Variants in DDAH1 observed in about 807,000 individuals in gnomAD.
DDAH1 encodes the protein N(G),N(G)-dimethylarginine dimethylaminohydrolase 1.
In DDAH1, 19 loss-of-function variants were observed where a neutral mutation model predicts 28.8. That is an observed-to-expected ratio of 0.66 (90% CI 0.46 to 0.97). The LOEUF is 0.97. Ranked by LOEUF, DDAH1 falls within the 50% of genes least tolerant of loss-of-function variation. The pLI is 0.00. For missense variants in DDAH1, 326 were observed against 375.9 expected, an observed-to-expected ratio of 0.87 and a Z score of 1.10; for synonymous variants, 153 against 154.4, an observed-to-expected ratio of 0.99 and a Z score of 0.07.
At chr1:85,569,831 G>A (rs1433814333) in intron 1 of DDAH1, among the ~76,000 whole-genome samples, 1 of 152,192 alleles carries the variant, frequency 6.6e-6, no homozygotes, top group Non-Finnish European at 1.5e-5. Context: ...ATGAATCCAC[G>A]AGAATGTCCT....
At chr1:85,565,777 G>A (rs1267822338) in intron 1 of DDAH1, among the ~76,000 whole-genome samples, 1 of 152,058 alleles carries the variant, frequency 6.6e-6, no homozygotes, top group African/African-American at 2.4e-5. Flanking sequence ...AAAGATAATT[G>A]GATGTTTAAG....
intron 2 of DDAH1, among the ~76,000 whole-genome samples, chr1:85,490,973 T>C (rs959421444): frequency 6.6e-6 from 1 of 152,032 alleles, no homozygotes; most frequent in South Asian, 2.1e-4. Flanking sequence ...TATAACTCAT[T>C]GAAGGTGAAG....
intron 1 of DDAH1, among the ~76,000 whole-genome samples, chr1:85,554,599 T>A (rs1481869633): frequency 6.6e-6 from 1 of 152,258 alleles, no homozygotes; most frequent in East Asian, 1.9e-4. Flanking sequence ...CAAGGATTTA[T>A]TAACTGCACT....
intron 1 of DDAH1, among the ~76,000 whole-genome samples, chr1:85,409,939 A>G (rs6673833): frequency 0.24 from 36,844 of 152,116 alleles, 4,621 homozygotes; most frequent in Middle Eastern, 0.28. Flanking sequence ...TCCAAAGCCA[A>G]TTGTAATCAT....
intron 2 of DDAH1, among the ~76,000 whole-genome samples, chr1:85,485,007 C>T (rs1334401726): frequency 6.6e-6 from 1 of 152,188 alleles, no homozygotes; most frequent in African/African-American, 2.4e-5. Flanking sequence ...TTACTGTGTG[C>T]TATGGATAGC....
chr1:85,478,665 C>A, intron 2 of DDAH1, among the ~76,000 whole-genome samples: 1 of 152,192 alleles, frequency 6.6e-6, no homozygotes, highest in East Asian at 1.9e-4. Context: ...CGGGTGGGGA[C>A]ACAACCAAAC....
Position 85,324,827 on chromosome 1 carries a change from T to C in DDAH1, c.654A>G (p.Ile218Met). 6.2e-7 allele frequency: 1 copy of C among 1,614,160 alleles called. No homozygotes were observed. Among genetic ancestry groups the C allele is most frequent in the African/African-American group, 1.3e-5 (1 of 75,036 alleles). The change falls in exon 5 of 6, where the codon ATA becomes ATG. Residue 218 changes from isoleucine (I) to methionine (M), a missense_variant. Physicochemically the swap from Ile to Met is conservative, Grantham distance 10 (BLOSUM62 1). Transcript: ENST00000284031. ...TATTTAGATATATACAGTTTGCTGCTATGTCATCAGGCACAGTGAGTTTGT... is the reference window on the plus strand; with the variant it reads ...TATTTAGATATATACAGTTTGCTGCCATGTCATCAGGCACAGTGAGTTTGT... ...RYDKLTVPDDIAANCIYLNIP... is the reference protein window; with the variant it reads ...RYDKLTVPDDMAANCIYLNIP...
Position 85,464,944 on chromosome 1 carries a change from C to T in DDAH1, c.102G>A (p.Lys34=), listed in dbSNP as rs773788907. Reference sequence around the variant, plus strand: ...CGCGGGCGACGTCCACCTCCTCGCCCTTGGCGCTTCTCAGCGCGTGCTGGC... The same window carrying T: ...CGCGGGCGACGTCCACCTCCTCGCCTTTGGCGCTTCTCAGCGCGTGCTGGC... ...SLGQHALRSA[K]GEEVDVARAE... is the part of the protein sequence containing the mutation. Residue 34 remains lysine, a synonymous_variant, in exon 1 of 6, where the codon AAG becomes AAA. Transcript: ENST00000284031. This position sits in a 1 kb window ranked among gnomAD's most constrained non-coding sequence, Gnocchi z 4.4. 2.6e-5 allele frequency: 40 copies of T among 1,516,102 alleles called. No homozygotes were observed. In the East Asian group the frequency reaches 6.0e-4, roughly 23 times the overall value. The allele number at this position is 1,516,102 out of a possible 1,614,324, so 93.9% of individuals were successfully genotyped here. A position where few individuals can be genotyped will look rare whatever the true frequency, so the allele number is the denominator to read the frequency against.
chr1:85,540,850 C>T (rs1157471053), intron 1 of DDAH1, among the ~76,000 whole-genome samples: 1 of 150,368 alleles, frequency 6.7e-6, no homozygotes, highest in Non-Finnish European at 1.5e-5. Flanking sequence ...ATCCCAGCTA[C>T]TTGGGAGGCT....
intron 1 of DDAH1, among the ~76,000 whole-genome samples, chr1:85,449,889 G>A (rs912184810): frequency 5.9e-5 from 9 of 152,134 alleles, no homozygotes; most frequent in Non-Finnish European, 1.0e-4. Flanking sequence ...CCAGAAGCAG[G>A]TGCCCATGGT....
At chr1:85,435,854 A>T (rs896680187) in intron 1 of DDAH1, among the ~76,000 whole-genome samples, 2 of 152,118 alleles carry the variant, frequency 1.3e-5, no homozygotes, top group Non-Finnish European at 2.9e-5. Flanking sequence ...ACAGTGGCAC[A>T]ATCTCATCTC....
chr1:85,520,753 G>A (rs1657655857), intron 1 of DDAH1, among the ~76,000 whole-genome samples: 1 of 152,208 alleles, frequency 6.6e-6, no homozygotes, highest in African/African-American at 2.4e-5. Context: ...GGAGTTCAGT[G>A]TGATTGGAAC....
chr1:85,522,929 A>G (rs1352381107), intron 1 of DDAH1, among the ~76,000 whole-genome samples: 1 of 150,478 alleles, frequency 6.6e-6, no homozygotes. Flanking sequence ...CTATGTGCCC[A>G]GAATTGTGCT....
intron 2 of DDAH1, among the ~76,000 whole-genome samples, chr1:85,490,022 G>T (rs1656334770): frequency 6.6e-6 from 1 of 152,098 alleles, no homozygotes; most frequent in Admixed American, 6.5e-5. Context: ...TGTTTCAAGA[G>T]GTAGGCTTGT....
At chr1:85,558,011 A>G (rs1471310379) in intron 1 of DDAH1, among the ~76,000 whole-genome samples, 2 of 152,160 alleles carry the variant, frequency 1.3e-5, no homozygotes. Flanking sequence ...GAATACATTC[A>G]GTGTTAAGAT....
At chr1:85,349,411 G>T (rs1649064877) in intron 4 of DDAH1, among the ~76,000 whole-genome samples, 1 of 152,280 alleles carries the variant, frequency 6.6e-6, no homozygotes, top group Middle Eastern at 3.4e-3. Context: ...TAGAAGAGAA[G>T]AGACCTGAAA....
intron 1 of DDAH1, among the ~76,000 whole-genome samples, chr1:85,413,724 G>A (rs942230262): frequency 2.0e-5 from 3 of 152,190 alleles, no homozygotes; most frequent in African/African-American, 7.2e-5. Flanking sequence ...AACAATCGAA[G>A]TCAAGCCTTC....
At chr1:85,402,651 C>T (rs1652168570) in intron 1 of DDAH1, among the ~76,000 whole-genome samples, 1 of 152,130 alleles carries the variant, frequency 6.6e-6, no homozygotes, top group Non-Finnish European at 1.5e-5. Flanking sequence ...TGGTTCACGC[C>T]TGTAATCCCA....
intron 4 of DDAH1, among the ~76,000 whole-genome samples, chr1:85,329,343 G>C (rs1345612478): frequency 6.6e-6 from 1 of 152,200 alleles, no homozygotes; most frequent in African/African-American, 2.4e-5. Flanking sequence ...TCACCTCCTT[G>C]AGTGAACAAT....
Sources: gnomAD v4.1 joint callset for allele counts (sites outside exome capture counted in the v4.1 genomes callset) on GRCh38, gnomAD v4.1.1 for gene constraint, Gnocchi (gnomAD v3.1) non-coding constraint, MANE v1.5 for transcripts, NCBI Gene and HGNC (gene_info 2026-07-23, HGNC 2026-07-21) for gene names.